Variants in BCL2 observed in about 807,000 individuals in gnomAD.
The protein encoded by BCL2 is BCL2 apoptosis regulator.
BCL2 carries 1 observed loss-of-function variant against 14.2 expected under a neutral mutation model. That is an observed-to-expected ratio of 0.07 (90% CI 0.02 to 0.33). BCL2 has a LOEUF of 0.33. Among genes scored for constraint, BCL2 ranks in the 10% least tolerant of loss-of-function variants. The pLI, the probability that BCL2 is intolerant of heterozygous loss-of-function variation, is 0.99. For missense variants in BCL2, 247 were observed against 305.9 expected, an observed-to-expected ratio of 0.81 and a Z score of 1.44; for synonymous variants, 151 against 137.2, an observed-to-expected ratio of 1.10 and a Z score of -0.70.
At chr18:63,188,216 C>G (rs1599232786) in intron 2 of BCL2, among the ~76,000 whole-genome samples, 1 of 152,202 alleles carries the variant, frequency 6.6e-6, no homozygotes, top group South Asian at 2.1e-4. Context: ...TTCACCAGCT[C>G]TATATCTGAG....
At chr18:63,236,792 C>G (rs1910845756) in intron 2 of BCL2, among the ~76,000 whole-genome samples, 1 of 152,178 alleles carries the variant, frequency 6.6e-6, no homozygotes, top group African/African-American at 2.4e-5. Context: ...AAATTAAGAA[C>G]AGGGCACTGC....
chr18:63,216,289 G>A (rs2144680124), intron 2 of BCL2, among the ~76,000 whole-genome samples: 1 of 150,712 alleles, frequency 6.6e-6, no homozygotes, highest in South Asian at 2.1e-4. Context: ...CCCAGCAAAA[G>A]AAATGAAAAT....
intron 2 of BCL2, among the ~76,000 whole-genome samples, chr18:63,179,620 T>C (rs1915436678): frequency 6.6e-6 from 1 of 152,054 alleles, no homozygotes; most frequent in Admixed American, 6.5e-5. Context: ...GAGGCGAAGG[T>C]TCCCAACTCC....
intron 2 of BCL2, among the ~76,000 whole-genome samples, chr18:63,214,188 A>C (rs1461577180): frequency 1.3e-5 from 2 of 152,234 alleles, no homozygotes; most frequent in Admixed American, 6.5e-5. Flanking sequence ...GGAAGCAAGA[A>C]GGACAGGAAG....
In BCL2 at chr18:63,128,374, C is replaced by A. The variant is rs925799311; in HGVS notation, c.*251G>T. The A allele has an allele frequency of 8.1e-6, 3 of 370,066 alleles. No homozygotes were observed. The highest frequency in any genetic ancestry group is 1.5e-5 in the Non-Finnish European group (3 of 205,104). 22.9% of individuals were successfully genotyped at this position (370,066 alleles called of 1,614,324 possible). A position where few individuals can be genotyped will look rare whatever the true frequency, so the allele number is the denominator to read the frequency against. The stretch of plus-strand genomic sequence containing the variant: ...ATGGGACTGTCTTAAATAAATAAAT[C>A]TTTTTTTCTTAATAATGTAAAAAAT... On this transcript the variant is annotated 3_prime_UTR_variant, in exon 3 of 3. Transcript: ENST00000333681.
rs1913840947 is a variant in BCL2 at position 63,123,887 on chromosome 18, C to T, written c.*4738G>A. 2 of 218,944 alleles carry T rather than the reference C, an allele frequency of 9.1e-6. 1 individual carries two copies. Among genetic ancestry groups the T allele is most frequent in the South Asian group, 3.7e-4 (2 of 5,428 alleles). 13.6% of individuals were successfully genotyped at this position (218,944 alleles called of 1,614,324 possible). On this transcript the variant is annotated 3_prime_UTR_variant, in exon 3 of 3. Coordinates refer to ENST00000333681, the MANE Select transcript of BCL2 (RefSeq NM_000633.3). ...GGTGCATGGATTTACTCAGTATCTA[C>T]ACTACAGTCTTATTTATTAATAGTC...
chr18:63,132,018 T>C (rs1599198482), intron 2 of BCL2, among the ~76,000 whole-genome samples: 1 of 152,224 alleles, frequency 6.6e-6, no homozygotes, highest in Non-Finnish European at 1.5e-5. Context: ...CCATTTCTGA[T>C]ATGCATTACG....
At chr18:63,192,820 A>G (rs927924868) in intron 2 of BCL2, among the ~76,000 whole-genome samples, 1 of 152,190 alleles carries the variant, frequency 6.6e-6, no homozygotes, top group African/African-American at 2.4e-5. Flanking sequence ...TGCATTTTCA[A>G]TACACAGAAG....
rs980754991 is a variant in BCL2 at position 63,123,764 on chromosome 18, T to C, written c.*4861A>G. The stretch of plus-strand genomic sequence containing the variant: ...CAAAAGAAAGCTTCCCCAAAAGAAA[T>C]GCAATCCACTGTCACTCTTGCAAAT... On this transcript the variant is annotated 3_prime_UTR_variant, in exon 3 of 3. Transcript: ENST00000333681. 1.4e-5 allele frequency: 3 copies of C among 217,968 alleles called. No individual in the cohort carries two copies. The highest frequency in any genetic ancestry group is 2.8e-5 in the Non-Finnish European group (3 of 108,490). 13.5% of individuals were successfully genotyped at this position (217,968 alleles called of 1,614,324 possible).
chr18:63,284,751 G>A (rs1415283604), intron 2 of BCL2, among the ~76,000 whole-genome samples: 1 of 152,214 alleles, frequency 6.6e-6, no homozygotes, highest in Non-Finnish European at 1.5e-5. Flanking sequence ...AATGGCAAGG[G>A]GGAACCTTGA....
At chr18:63,226,062 G>T (rs1196624972) in intron 2 of BCL2, among the ~76,000 whole-genome samples, 1 of 152,194 alleles carries the variant, frequency 6.6e-6, no homozygotes, top group Non-Finnish European at 1.5e-5. Context: ...TCAGTAGGAA[G>T]GGGAGCTGAA....
At chr18:63,179,093 G>C (rs1915420174) in intron 2 of BCL2, among the ~76,000 whole-genome samples, 1 of 152,118 alleles carries the variant, frequency 6.6e-6, no homozygotes, top group African/African-American at 2.4e-5. Context: ...TGGGAATCTT[G>C]GAGCAGACTT....
At chr18:63,257,737 C>T (rs7226979) in intron 2 of BCL2, among the ~76,000 whole-genome samples, 63,753 of 151,998 alleles carry the variant, frequency 0.42, 13,712 homozygotes, top group South Asian at 0.54. Flanking sequence ...TTAAGTGATG[C>T]TCTCTAAGGT....
chr18:63,180,322 T>C (rs1191808611), intron 2 of BCL2, among the ~76,000 whole-genome samples: 1 of 152,242 alleles, frequency 6.6e-6, no homozygotes, highest in East Asian at 1.9e-4. Context: ...TAAAATCCTT[T>C]GCTAAAGCAG....
intron 2 of BCL2, among the ~76,000 whole-genome samples, chr18:63,230,507 CA>C (rs763182009): frequency 7.2e-5 from 11 of 151,858 alleles, no homozygotes; most frequent in Non-Finnish European, 1.5e-4. Flanking sequence ...AGAATCAAAA[CA>C]GAAACAATAG....
chr18:63,239,004 A>G (rs1008210874), intron 2 of BCL2, among the ~76,000 whole-genome samples: 3 of 152,188 alleles, frequency 2.0e-5, no homozygotes, highest in African/African-American at 7.2e-5. Flanking sequence ...TACTCCGGGT[A>G]GGGGAGAGGC....
intron 2 of BCL2, among the ~76,000 whole-genome samples, chr18:63,294,088 G>T (rs1912731099): frequency 6.6e-6 from 1 of 152,058 alleles, no homozygotes; most frequent in Admixed American, 6.6e-5. Context: ...TGATCACAGA[G>T]AATGCAATTA....
chr18:63,304,402 A>C (rs191601881), intron 2 of BCL2, among the ~76,000 whole-genome samples: 1 of 152,350 alleles, frequency 6.6e-6, no homozygotes, highest in Admixed American at 6.5e-5. Flanking sequence ...CATTTTCAAC[A>C]TTCAAAAAAC....
intron 2 of BCL2, among the ~76,000 whole-genome samples, chr18:63,147,916 T>G (rs572566192): frequency 1.3e-5 from 2 of 152,326 alleles, no homozygotes; most frequent in Non-Finnish European, 2.9e-5. Flanking sequence ...AGATATTTCT[T>G]GTATCTCCTA....
Sources: allele counts gnomAD v4.1 joint callset (sites outside exome capture counted in the v4.1 genomes callset), GRCh38; gene constraint gnomAD v4.1.1; transcripts MANE v1.5; gene names NCBI Gene and HGNC (gene_info 2026-07-23, HGNC 2026-07-21).